The following MACROD2 variants were observed in gnomAD, a reference collection of about 807,000 sequenced individuals.
MACROD2 encodes the protein ADP-ribose glycohydrolase MACROD2.
In MACROD2, 36 loss-of-function variants were observed where a neutral mutation model predicts 70.4. The ratio of observed to expected loss-of-function variants is 0.51; its 90% CI spans 0.39 to 0.68. The LOEUF (loss-of-function observed/expected upper bound fraction) is 0.68. Among genes scored for constraint, MACROD2 ranks in the 30% least tolerant of loss-of-function variants. MACROD2 has a pLI of 0.00. For synonymous variants in MACROD2, 172 were observed against 178.8 expected (o/e 0.96, Z 0.30); for missense variants, 496 against 538.4 (o/e 0.92, Z 0.78).
intron 8 of MACROD2, among the ~76,000 whole-genome samples, chr20:15,721,436 G>T (rs1481603963): frequency 6.6e-6 from 1 of 152,028 alleles, no homozygotes; most frequent in Admixed American, 6.6e-5. Flanking sequence ...TTTCATCCTT[G>T]ACCCTTTCTT....
At chr20:15,892,861 T>G (rs1347512292) in intron 10 of MACROD2, 1 of 398,110 alleles carries the variant, frequency 2.5e-6, no homozygotes, top group African/African-American at 2.1e-5. Flanking sequence ...CATTTTTAAA[T>G]TTCACATAAT....
chr20:14,635,847 T>A (rs1984758439), intron 4 of MACROD2, among the ~76,000 whole-genome samples: 1 of 152,212 alleles, frequency 6.6e-6, no homozygotes, highest in Non-Finnish European at 1.5e-5. Flanking sequence ...TTCATTTTAA[T>A]GTAATACTGG....
At chr20:15,827,456 T>C (rs2064009538) in intron 8 of MACROD2, among the ~76,000 whole-genome samples, 1 of 152,184 alleles carries the variant, frequency 6.6e-6, no homozygotes, top group Admixed American at 6.6e-5. Flanking sequence ...AGAAGTTTCT[T>C]CAAAACCCAC....
At chr20:14,082,425 C>T (rs934095009) in intron 2 of MACROD2, among the ~76,000 whole-genome samples, 7 of 150,282 alleles carry the variant, frequency 4.7e-5, no homozygotes, top group African/African-American at 1.7e-4. Flanking sequence ...ATCTCCTGAC[C>T]TCATGATCCA....
chr20:14,839,451 G>T (rs1355928996), intron 5 of MACROD2, among the ~76,000 whole-genome samples: 1 of 152,092 alleles, frequency 6.6e-6, no homozygotes, highest in Non-Finnish European at 1.5e-5. Context: ...CATGATCTTT[G>T]TAATGGCTGT....
chr20:14,946,435 A>G (rs2074433024), intron 5 of MACROD2, among the ~76,000 whole-genome samples: 1 of 152,168 alleles, frequency 6.6e-6, no homozygotes, highest in Non-Finnish European at 1.5e-5. Context: ...AATATGTTGT[A>G]TTTAAATAAA....
At chr20:14,653,323 A>G (rs1360840852) in intron 4 of MACROD2, among the ~76,000 whole-genome samples, 1 of 148,396 alleles carries the variant, frequency 6.7e-6, no homozygotes, top group Non-Finnish European at 1.5e-5. Flanking sequence ...GGTTCACGCC[A>G]TTCTCCTGCG....
chr20:14,167,448 G>T (rs1451705984), intron 3 of MACROD2, among the ~76,000 whole-genome samples: 1 of 151,838 alleles, frequency 6.6e-6, no homozygotes, highest in East Asian at 1.9e-4. Flanking sequence ...CAATGGCAGG[G>T]TCTTGGCTCA....
At chr20:15,888,352 G>A (rs2064847189) in intron 10 of MACROD2, among the ~76,000 whole-genome samples, 1 of 152,090 alleles carries the variant, frequency 6.6e-6, no homozygotes, top group Non-Finnish European at 1.5e-5. Context: ...CTTAATGCTT[G>A]CCATTCTCAT....
rs1436190280 is a variant in MACROD2, at chr20:14,403,024, A to G, written c.272-90455A>G. 2.6e-5 allele frequency among the ~76,000 whole-genome samples: 4 copies of G among 152,176 alleles called. No homozygotes were observed. The East Asian group carries it at 7.7e-4, about 29-fold the overall frequency. On this transcript the variant is annotated intron_variant, in intron 3 of 17. Transcript: ENST00000684519. ...ATCTAGAACTCATATTTCATTAACAAAGATATTATTTCCTTGTCTTATTTA... is the reference window on the plus strand; with the variant it reads ...ATCTAGAACTCATATTTCATTAACAGAGATATTATTTCCTTGTCTTATTTA...
At chr20:14,211,220 A>G (rs1158985018) in intron 3 of MACROD2, among the ~76,000 whole-genome samples, 2 of 152,244 alleles carry the variant, frequency 1.3e-5, no homozygotes, top group Non-Finnish European at 2.9e-5. Context: ...AACTGGGCTC[A>G]GATCCTGATG....
At chr20:14,934,454 C>A (rs1174956401) in intron 5 of MACROD2, among the ~76,000 whole-genome samples, 1 of 152,078 alleles carries the variant, frequency 6.6e-6, no homozygotes, top group East Asian at 1.9e-4. Context: ...ATTGTGGTCT[C>A]AGCAAAAACA....
At position 14,443,549 on chromosome 20, in the gene MACROD2, G is replaced by A. The variant is rs556674424; in HGVS notation, c.272-49930G>A. Among the ~76,000 whole-genome samples, 81 of 152,034 alleles carry A rather than the reference G, an allele frequency of 5.3e-4. 1 individual carries two copies. The South Asian group carries it at 8.7e-3, about 16-fold the overall frequency. ...CTACCTCAGGTGATCTGCCCGCCTC[G>A]GCCTCCCAAAGTGCTGGGATTACAG... On this transcript the variant is annotated intron_variant, in intron 3 of 17. Transcript: ENST00000684519.
intron 5 of MACROD2, among the ~76,000 whole-genome samples, chr20:14,903,032 T>C (rs978480029): frequency 7.0e-5 from 10 of 142,904 alleles, no homozygotes; most frequent in African/African-American, 2.1e-4. Context: ...TTCTTTTTTT[T>C]CTTTCCCTTT....
chr20:15,554,362 G>A (rs951254001), intron 8 of MACROD2, among the ~76,000 whole-genome samples: 2 of 152,044 alleles, frequency 1.3e-5, no homozygotes, highest in Non-Finnish European at 2.9e-5. Flanking sequence ...TGCCCACAAA[G>A]GACTCTTTAT....
chr20:15,536,518 T>C (rs910250582), intron 8 of MACROD2, among the ~76,000 whole-genome samples: 1 of 152,236 alleles, frequency 6.6e-6, no homozygotes, highest in Non-Finnish European at 1.5e-5. Context: ...TTATCACATG[T>C]ATTAATTGTA....
intron 5 of MACROD2, among the ~76,000 whole-genome samples, chr20:14,698,812 A>G (rs996091386): frequency 6.7e-6 from 1 of 149,518 alleles, no homozygotes; most frequent in African/African-American, 2.4e-5. Context: ...TAATAAATTT[A>G]GTATAATTTA....
chr20:14,984,786 G>T (rs1432222732), intron 5 of MACROD2, among the ~76,000 whole-genome samples: 2 of 152,104 alleles, frequency 1.3e-5, no homozygotes, highest in Non-Finnish European at 2.9e-5. Flanking sequence ...TTGGGGAGAG[G>T]GTTGGGGGCA....
chr20:14,725,323 A>G (rs922581344), intron 5 of MACROD2, among the ~76,000 whole-genome samples: 1 of 152,098 alleles, frequency 6.6e-6, no homozygotes, highest in Non-Finnish European at 1.5e-5. Flanking sequence ...TCATTGGTTT[A>G]TAAGTATTGA....
Sources: allele counts gnomAD v4.1 joint callset (sites outside exome capture counted in the v4.1 genomes callset), GRCh38; gene constraint gnomAD v4.1.1; transcripts MANE v1.5; gene names NCBI Gene and HGNC (gene_info 2026-07-23, HGNC 2026-07-21).